Variants in PRIM2 observed in about 807,000 individuals in gnomAD.
The protein encoded by PRIM2 is DNA primase subunit 2.
A neutral mutation model predicts 67.3 loss-of-function variants in PRIM2; 39 were observed. The ratio of observed to expected loss-of-function variants is 0.58; its 90% CI spans 0.45 to 0.76. PRIM2 has a LOEUF of 0.76. Ranked by LOEUF, PRIM2 falls within the 30% of genes least tolerant of loss-of-function variation. The pLI, the probability that PRIM2 is intolerant of heterozygous loss-of-function variation, is 0.00. For missense variants in PRIM2, 398 were observed against 598.7 expected (o/e 0.66, Z 3.50); for synonymous variants, 143 against 198.7 (o/e 0.72, Z 2.36).
intron 10 of PRIM2, among the ~76,000 whole-genome samples, chr6:57,555,875 C>A (rs1387268367): frequency 2.5e-4 from 38 of 152,188 alleles, no homozygotes; most frequent in African/African-American, 8.2e-4. Flanking sequence ...CTACTTGAGC[C>A]CTAACTTTAG....
At chr6:57,640,297 A>C (rs1314577525) in intron 13 of PRIM2, among the ~76,000 whole-genome samples, 2,188 of 152,274 alleles carry the variant, frequency 0.014, 47 homozygotes, top group South Asian at 0.078. Flanking sequence ...ATGGGCAAAA[A>C]CTGGAAGCAT....
chr6:57,571,806 T>C (rs1226835145), intron 10 of PRIM2, among the ~76,000 whole-genome samples: 1 of 152,242 alleles, frequency 6.6e-6, no homozygotes, highest in Non-Finnish European at 1.5e-5. Context: ...ACTGGGTTCA[T>C]AGCCTCCAAA....
intron 8 of PRIM2, among the ~76,000 whole-genome samples, chr6:57,524,256 C>T (rs1418290930): frequency 2.0e-5 from 3 of 152,196 alleles, no homozygotes; most frequent in Non-Finnish European, 1.5e-5. Context: ...TTATAATTTT[C>T]TGTTTGCTGT....
intron 5 of PRIM2, among the ~76,000 whole-genome samples, chr6:57,376,010 C>A (rs1306778012): frequency 6.6e-6 from 1 of 151,908 alleles, no homozygotes; most frequent in Non-Finnish European, 1.5e-5. Context: ...AGTTCAAGAC[C>A]AGCCTGAGCA....
At chr6:57,638,462 G>T (rs2127500884) in intron 13 of PRIM2, among the ~76,000 whole-genome samples, 1 of 150,740 alleles carries the variant, frequency 6.6e-6, no homozygotes, top group East Asian at 2.0e-4. Context: ...TGGCAAATTG[G>T]ATGAAGAGTC....
At chr6:57,573,814 A>G (rs1775910579) in intron 10 of PRIM2, among the ~76,000 whole-genome samples, 1 of 152,244 alleles carries the variant, frequency 6.6e-6, no homozygotes, top group Admixed American at 6.5e-5. Context: ...ATCCTTACAC[A>G]CATATATAGA....
chr6:57,637,748 G>A (rs1434187864), intron 13 of PRIM2, among the ~76,000 whole-genome samples: 1 of 152,150 alleles, frequency 6.6e-6, no homozygotes, highest in Non-Finnish European at 1.5e-5. Context: ...AGAAATAGGG[G>A]ACTATGTGAA....
In PRIM2 at chr6:57,564,317, G is replaced by A. The variant is rs1488544653; in HGVS notation, c.1020+26692G>A. Among the ~76,000 whole-genome samples the A allele has an allele frequency of 4.5e-4, 68 of 152,312 alleles. No homozygotes were observed. In the East Asian group the frequency reaches 5.8e-3, roughly 13 times the overall value. ...GAAAAAAATGGCCCATGGGTTTACA[G>A]TGTTCTTCGCTGGATTGACATGGAG... On this transcript the variant is annotated intron_variant, in intron 10 of 13. Coordinates refer to ENST00000615550, the MANE Select transcript of PRIM2 (RefSeq NM_000947.5).
the PRIM2 span, among the ~76,000 whole-genome samples, chr6:57,258,574 GC>G: frequency 6.8e-6 from 1 of 147,354 alleles, no homozygotes; most frequent in Non-Finnish European, 1.5e-5. Flanking sequence ...GGGCCCCCCA[GC>G]CCCCACCCCA....
chr6:57,534,904 T>C (rs1367882306), intron 9 of PRIM2, among the ~76,000 whole-genome samples: 1 of 152,336 alleles, frequency 6.6e-6, no homozygotes, highest in African/African-American at 2.4e-5. Context: ...GCCACCCAAA[T>C]TGAAGTACCT....
the PRIM2 span, among the ~76,000 whole-genome samples, chr6:57,284,475 A>T: frequency 6.6e-6 from 1 of 152,206 alleles, no homozygotes; most frequent in Admixed American, 6.5e-5. Context: ...TACTCAATAC[A>T]TACTCAACAT....
chr6:57,646,567 T>C lies in PRIM2; in HGVS notation c.*409T>C. ...TCTCTCTTCACTGCATCCCAATCCA[T>C]CTACAGGCATGCACACTTATTAGGA... On this transcript the variant is annotated 3_prime_UTR_variant, in exon 14 of 14. Coordinates refer to ENST00000615550, the MANE Select transcript of PRIM2 (RefSeq NM_000947.5). The C allele has an allele frequency of 6.1e-6, 1 of 163,270 alleles. No homozygotes were observed. The highest frequency in any genetic ancestry group is 1.3e-5 in the Non-Finnish European group (1 of 75,748). 10.1% of individuals were successfully genotyped at this position (163,270 alleles called of 1,614,324 possible). A position where few individuals can be genotyped will look rare whatever the true frequency, so the allele number is the denominator to read the frequency against.
the PRIM2 span, among the ~76,000 whole-genome samples, chr6:57,252,790 A>C: frequency 6.6e-6 from 1 of 152,148 alleles, no homozygotes; most frequent in Non-Finnish European, 1.5e-5. Context: ...CATGTTAATA[A>C]ATTGGCCAAA....
At chr6:57,615,677 C>CT (rs1340487477) in intron 12 of PRIM2, among the ~76,000 whole-genome samples, 1 of 152,150 alleles carries the variant, frequency 6.6e-6, no homozygotes, top group African/African-American at 2.4e-5. Flanking sequence ...GAGAGGATTG[C>CT]TTGAAGCCAG....
chr6:57,277,827 A>C, the PRIM2 span, among the ~76,000 whole-genome samples: 1 of 151,756 alleles, frequency 6.6e-6, no homozygotes, highest in Non-Finnish European at 1.5e-5. Flanking sequence ...AAAAAAATAC[A>C]ACAAAAATTA....
intron 7 of PRIM2, among the ~76,000 whole-genome samples, chr6:57,478,459 G>A (rs1168372570): frequency 6.6e-6 from 1 of 151,556 alleles, no homozygotes; most frequent in Admixed American, 6.6e-5. Flanking sequence ...TCCTGCCTCT[G>A]CCTCCTGGGT....
At chr6:57,619,952 T>C (rs1776821945) in intron 12 of PRIM2, among the ~76,000 whole-genome samples, 1 of 152,090 alleles carries the variant, frequency 6.6e-6, no homozygotes, top group Non-Finnish European at 1.5e-5. Flanking sequence ...ATCCCAGCAC[T>C]TTGGGAGGCT....
At chr6:57,306,209 C>A in the PRIM2 span, among the ~76,000 whole-genome samples, 2 of 152,146 alleles carry the variant, frequency 1.3e-5, no homozygotes, top group African/African-American at 4.8e-5. Flanking sequence ...GGATTAAACC[C>A]CATATGGTTC....
chr6:57,631,298 T>C (rs1402587793), intron 12 of PRIM2, among the ~76,000 whole-genome samples: 1 of 152,204 alleles, frequency 6.6e-6, no homozygotes, highest in African/African-American at 2.4e-5. Flanking sequence ...CATTTGAGGT[T>C]ATCTCTTAAT....
Sources: allele counts gnomAD v4.1 joint callset (sites outside exome capture counted in the v4.1 genomes callset), GRCh38; gene constraint gnomAD v4.1.1; transcripts MANE v1.5; gene names NCBI Gene and HGNC (gene_info 2026-07-23, HGNC 2026-07-21).